Variants in CEP170 observed in about 807,000 individuals in gnomAD.
CEP170 encodes centrosomal protein 170, also known as centrosomal protein of 170 kDa.
Under a neutral mutation model 151.9 loss-of-function variants are expected in CEP170, and 21 were observed. The observed-to-expected ratio is 0.14, with a 90% CI of 0.10 to 0.20. The LOEUF is 0.20. CEP170 is among the 10% of genes least tolerant of loss of function. The probability of loss-of-function intolerance (pLI) is 1.00; values close to 1 mark genes in which losing one functional copy is unlikely to be tolerated. For synonymous variants in CEP170, 356 were observed against 648.8 expected, an observed-to-expected ratio of 0.55 and a Z score of 6.86; for missense variants, 964 against 1,892.9, an observed-to-expected ratio of 0.51 and a Z score of 9.11.
intron 1 of CEP170, among the ~76,000 whole-genome samples, chr1:243,232,282 T>C (rs566709085): frequency 6.6e-6 from 1 of 152,272 alleles, no homozygotes; most frequent in African/African-American, 2.4e-5. Context: ...TCTCTTCTAA[T>C]ACTGTAGTAC....
In CEP170 at chr1:243,136,655, G is replaced by A. The variant is rs186582946; in HGVS notation, c.4231-424C>T. ...AGAAATCAAGAAGAGTACAATCCTTGTTCTCCAGCAAAGAGTCTAGTGGGA... is the reference window on the plus strand; with the variant it reads ...AGAAATCAAGAAGAGTACAATCCTTATTCTCCAGCAAAGAGTCTAGTGGGA... On this transcript the variant is annotated intron_variant, in intron 16 of 19. Transcript: ENST00000366542. Among the ~76,000 whole-genome samples, 731 of 152,356 alleles carry A rather than the reference G, an allele frequency of 4.8e-3. 3 individuals carry two copies. The highest frequency in any genetic ancestry group is 0.014 in the South Asian group (68 of 4,826).
chr1:243,150,655 A>G (rs1260130278), intron 14 of CEP170, among the ~76,000 whole-genome samples: 1 of 152,172 alleles, frequency 6.6e-6, no homozygotes, highest in Non-Finnish European at 1.5e-5. Context: ...AATTCCAATT[A>G]TATCTGGATT....
chr1:243,182,735 A>G (rs533059891), intron 10 of CEP170, among the ~76,000 whole-genome samples: 1 of 152,270 alleles, frequency 6.6e-6, no homozygotes, highest in Admixed American at 6.5e-5. Flanking sequence ...TATTTCTGGA[A>G]AACTCTACCT....
chr1:243,233,525 A>C (rs955799431), intron 1 of CEP170, among the ~76,000 whole-genome samples: 1 of 151,900 alleles, frequency 6.6e-6, no homozygotes, highest in Admixed American at 6.6e-5. Flanking sequence ...CGAGGTCAGG[A>C]GATCAAGACC....
chr1:243,182,178 C>CT (rs1358134727), intron 10 of CEP170, among the ~76,000 whole-genome samples: 3 of 151,794 alleles, frequency 2.0e-5, no homozygotes, highest in Non-Finnish European at 4.4e-5. Flanking sequence ...CTTGTTTTGC[C>CT]TTTTTGCATA....
intron 1 of CEP170, among the ~76,000 whole-genome samples, chr1:243,241,560 C>T (rs553972027): frequency 4.6e-5 from 7 of 152,126 alleles, no homozygotes; most frequent in South Asian, 4.2e-4. Context: ...GAGGCCGAGG[C>T]GGGTGGATCA....
intron 10 of CEP170, among the ~76,000 whole-genome samples, chr1:243,174,619 T>C (rs1421165525): frequency 6.6e-6 from 1 of 152,242 alleles, no homozygotes; most frequent in Non-Finnish European, 1.5e-5. Flanking sequence ...TTGTCAAGAA[T>C]TATGATTTAA....
intron 16 of CEP170, among the ~76,000 whole-genome samples, chr1:243,137,952 A>T (rs888210690): frequency 1.4e-4 from 21 of 152,238 alleles, no homozygotes; most frequent in Admixed American, 4.6e-4. Flanking sequence ...AGGAAAGGAT[A>T]AATAAGCAAA....
chr1:243,220,879 T>C (rs114067785), intron 3 of CEP170, among the ~76,000 whole-genome samples: 255 of 152,328 alleles, frequency 1.7e-3, no homozygotes, highest in African/African-American at 5.9e-3. Flanking sequence ...CACAAAAATA[T>C]ATTCAAAGTA....
Position 243,252,570 on chromosome 1 carries a change from C to T in CEP170, c.-42+2470G>A, listed in dbSNP as rs1307156848. Among the ~76,000 whole-genome samples the T allele has an allele frequency of 2.0e-4, 30 of 151,990 alleles. 1 individual carries two copies. Among genetic ancestry groups the T allele is most frequent in the Non-Finnish European group, 5.9e-5 (4 of 67,898 alleles). ...CGAAGCACAGAATTTTAAAAAGTAC[C>T]ATAACAGCATTAATATGCAGAATGT... On this transcript the variant is annotated intron_variant, in intron 1 of 19. Coordinates refer to ENST00000366542, the MANE Select transcript of CEP170 (RefSeq NM_014812.3).
chr1:243,175,805 GTTTTT>G (rs74162255), intron 10 of CEP170, among the ~76,000 whole-genome samples: 1 of 151,494 alleles, frequency 6.6e-6, no homozygotes, highest in Non-Finnish European at 1.5e-5. Flanking sequence ...TTTCTTTTTT[GTTTTT>G]TTTTGAGACA....
chr1:243,169,473 G>T, intron 12 of CEP170, 155 bp downstream of exon 12: 1 of 1,449,558 alleles, frequency 6.9e-7, no homozygotes, highest in Non-Finnish European at 9.3e-7. Context: ...GTTTATTTAG[G>T]TTTAACTTAC....
chr1:243,178,598 G>A (rs1330849978), intron 10 of CEP170, among the ~76,000 whole-genome samples: 3 of 152,086 alleles, frequency 2.0e-5, no homozygotes, highest in Non-Finnish European at 4.4e-5. Flanking sequence ...AGTGCTGATG[G>A]TTGTACAACC....
intron 1 of CEP170, among the ~76,000 whole-genome samples, chr1:243,249,121 G>T (rs946532408): frequency 1.5e-4 from 23 of 152,224 alleles, no homozygotes; most frequent in African/African-American, 5.1e-4. Context: ...ATTTATATTT[G>T]CTTGAGGTGA....
At chr1:243,233,091 C>T (rs2063901545) in intron 1 of CEP170, among the ~76,000 whole-genome samples, 1 of 152,200 alleles carries the variant, frequency 6.6e-6, no homozygotes, top group Admixed American at 6.5e-5. Flanking sequence ...CTTCGGTTGT[C>T]TCTTTCTTAT....
At chr1:243,202,987 C>T (rs551740105) in intron 4 of CEP170, among the ~76,000 whole-genome samples, 51 of 152,218 alleles carry the variant, frequency 3.4e-4, no homozygotes, top group Admixed American at 1.0e-3. Flanking sequence ...TCATGGAGAG[C>T]TTGAGAGGAG....
intron 1 of CEP170, among the ~76,000 whole-genome samples, chr1:243,239,153 C>T (rs1457013230): frequency 6.6e-6 from 1 of 152,158 alleles, no homozygotes; most frequent in Non-Finnish European, 1.5e-5. Flanking sequence ...CAAGGTCCTC[C>T]TGGACTCCTC....
At position 243,185,332 on chromosome 1, in the gene CEP170, T is replaced by C. The variant is rs185556655; in HGVS notation, c.1566+447A>G. Among the ~76,000 whole-genome samples, 2 of 152,328 alleles carry C rather than the reference T, an allele frequency of 1.3e-5. No homozygotes were observed. The highest frequency in any genetic ancestry group is 3.9e-4 in the East Asian group (2 of 5,188). Reference sequence around the variant, plus strand: ...AAAACATACGGACAAAGAACAAAGCTAAAATAAGTATTTTCATCTTCCAAC... The same window carrying C: ...AAAACATACGGACAAAGAACAAAGCCAAAATAAGTATTTTCATCTTCCAAC... On this transcript the variant is annotated intron_variant, in intron 10 of 19. Coordinates refer to ENST00000366542, the MANE Select transcript of CEP170 (RefSeq NM_014812.3). The surrounding 1 kb of genome is among the most constrained non-coding windows in gnomAD (Gnocchi z 4.9).
intron 14 of CEP170, among the ~76,000 whole-genome samples, chr1:243,143,777 G>A (rs1475043279): frequency 3.3e-5 from 5 of 150,332 alleles, no homozygotes; most frequent in African/African-American, 9.8e-5. Context: ...ATATTGCCCA[G>A]GCTGGTCTCG....
Sources: allele counts gnomAD v4.1 joint callset (sites outside exome capture counted in the v4.1 genomes callset), GRCh38; gene constraint gnomAD v4.1.1; non-coding constraint Gnocchi (gnomAD v3.1); transcripts MANE v1.5; gene names NCBI Gene and HGNC (gene_info 2026-07-23, HGNC 2026-07-21).